SNX7: variants seen among roughly 807,000 people sequenced by gnomAD.
SNX7 encodes sorting nexin 7, also known as sorting nexin-7.
In SNX7, 35 loss-of-function variants were observed where a neutral mutation model predicts 48.4. That is an observed-to-expected ratio of 0.72 (90% CI 0.55 to 0.96). The LOEUF (loss-of-function observed/expected upper bound fraction) is 0.96. SNX7 is among the 40% of genes least tolerant of loss of function. The pLI, the probability that SNX7 is intolerant of heterozygous loss-of-function variation, is 0.00. For synonymous variants in SNX7, 190 were observed against 190.2 expected (o/e 1.00, Z 0.01); for missense variants, 553 against 548.9 (o/e 1.01, Z -0.07).
chr1:98,700,688 A>G (rs1242475257), intron 6 of SNX7, among the ~76,000 whole-genome samples: 1 of 152,026 alleles, frequency 6.6e-6, no homozygotes, highest in Non-Finnish European at 1.5e-5. Flanking sequence ...GAGATGTGAT[A>G]TAGGTGTGAA....
At chr1:98,664,738 G>T (rs1649446949) in intron 1 of SNX7, among the ~76,000 whole-genome samples, 1 of 152,094 alleles carries the variant, frequency 6.6e-6, no homozygotes, top group African/African-American at 2.4e-5. Context: ...AAACAAAGTT[G>T]TTCTGAATTT....
intron 1 of SNX7, among the ~76,000 whole-genome samples, chr1:98,672,540 A>G (rs1649926047): frequency 6.6e-6 from 1 of 151,436 alleles, no homozygotes; most frequent in Non-Finnish European, 1.5e-5. Context: ...AGTTATAGGC[A>G]AATGGCATCT....
At chr1:98,691,933 A>ACTCTCTCTCT (rs1570523141) in intron 4 of SNX7, among the ~76,000 whole-genome samples, 1 of 108,592 alleles carries the variant, frequency 9.2e-6, no homozygotes, top group Non-Finnish European at 2.0e-5. Context: ...ACACACACAC[A>ACTCTCTCTCT]CACACTCTCT....
chr1:98,662,828 G>T, intron 1 of SNX7: 1 of 1,289,034 alleles, frequency 7.8e-7, no homozygotes, highest in Non-Finnish European at 1.0e-6. Flanking sequence ...TAAAGCAAAC[G>T]ACCTACTTAA....
intron 1 of SNX7, among the ~76,000 whole-genome samples, chr1:98,676,085 CTT>C (rs962490375): frequency 6.7e-6 from 1 of 148,994 alleles, no homozygotes; most frequent in Non-Finnish European, 1.5e-5. Context: ...TTCCTGTTAA[CTT>C]TTTTTTTTAA....
chr1:98,723,969 A>C (rs1337524330), intron 7 of SNX7, among the ~76,000 whole-genome samples: 1 of 152,160 alleles, frequency 6.6e-6, no homozygotes, highest in Non-Finnish European at 1.5e-5. Context: ...TGGCAAAAAA[A>C]AATTATAATG....
intron 7 of SNX7, among the ~76,000 whole-genome samples, chr1:98,735,665 G>A (rs924118464): frequency 5.3e-5 from 8 of 152,182 alleles, no homozygotes; most frequent in African/African-American, 1.9e-4. Flanking sequence ...ACATTTAGTA[G>A]GCAAATTTTC....
rs1024262806 is a variant in SNX7 at position 98,697,436 on chromosome 1, A to C, written c.839-1270A>C. ...GATTGTATTTATATGGATAGTGAAC[A>C]AAAAACGGTCACTGCTTATAAATTT... On this transcript the variant is annotated intron_variant, in intron 5 of 8. Coordinates refer to ENST00000306121, the MANE Select transcript of SNX7 (RefSeq NM_015976.5). Among the ~76,000 whole-genome samples the C allele has an allele frequency of 1.1e-4, 16 of 152,112 alleles. 1 individual carries two copies. The highest frequency in any genetic ancestry group is 1.5e-5 in the Non-Finnish European group (1 of 67,976).
intron 8 of SNX7, among the ~76,000 whole-genome samples, chr1:98,739,224 T>G (rs1460649475): frequency 1.3e-5 from 2 of 152,094 alleles, no homozygotes; most frequent in African/African-American, 4.8e-5. Flanking sequence ...CTGCCTCTGA[T>G]CTGATAGGGA....
At chr1:98,675,633 C>G (rs1650120484) in intron 1 of SNX7, among the ~76,000 whole-genome samples, 1 of 152,160 alleles carries the variant, frequency 6.6e-6, no homozygotes, top group Non-Finnish European at 1.5e-5. Flanking sequence ...TGCCAAAGCA[C>G]GTTTGTACGT....
intron 1 of SNX7, among the ~76,000 whole-genome samples, chr1:98,681,242 C>T (rs969498511): frequency 1.3e-5 from 2 of 152,050 alleles, no homozygotes; most frequent in African/African-American, 4.8e-5. Flanking sequence ...CGGGAAAGAC[C>T]CGCCCCCATG....
chr1:98,754,541 A>G (rs1403160118), intron 8 of SNX7, among the ~76,000 whole-genome samples: 1 of 152,050 alleles, frequency 6.6e-6, no homozygotes, highest in Non-Finnish European at 1.5e-5. Context: ...TCTGTGGTGA[A>G]TTTTGGTAGT....
chr1:98,697,205 C>A (rs1037986909), intron 5 of SNX7, among the ~76,000 whole-genome samples: 15 of 151,950 alleles, frequency 9.9e-5, no homozygotes, highest in African/African-American at 3.4e-4. Flanking sequence ...TAAAGACAGG[C>A]CTAGGATCAG....
chr1:98,661,794 C>A lies in SNX7; in HGVS notation c.63C>A (p.Asn21Lys). The A allele has an allele frequency of 8.0e-7, 1 of 1,244,318 alleles. No homozygotes were observed. Among genetic ancestry groups the A allele is most frequent in the Non-Finnish European group, 1.0e-6 (1 of 986,852 alleles). 77.1% of individuals were successfully genotyped at this position (1,244,318 alleles called of 1,614,324 possible). A position where few individuals can be genotyped will look rare whatever the true frequency, so the allele number is the denominator to read the frequency against. The change falls in exon 1 of 9, where the codon AAC (asparagine) becomes AAA (lysine). Residue 21 changes from asparagine (N) to lysine (K), a missense_variant. Coordinates refer to ENST00000306121, the MANE Select transcript of SNX7 (RefSeq NM_015976.5). ...CGGGCCTCCCGGCCGGGGGCGCCAA[C>A]GGGGAGAGCCCGGGGGGCGGCGCCC... Reference protein sequence around the residue: ...PSSGLPAGGANGESPGGGAPF... With the variant: ...PSSGLPAGGAKGESPGGGAPF...
At chr1:98,687,311 G>A (rs2100945055) in intron 2 of SNX7, among the ~76,000 whole-genome samples, 1 of 152,046 alleles carries the variant, frequency 6.6e-6, no homozygotes, top group African/African-American at 2.4e-5. Flanking sequence ...ATATTTTTGT[G>A]CATTTAGGTA....
intron 1 of SNX7, among the ~76,000 whole-genome samples, chr1:98,666,333 A>G (rs2100901555): frequency 6.6e-6 from 1 of 152,376 alleles, no homozygotes; most frequent in African/African-American, 2.4e-5. Flanking sequence ...GCTGGAAACC[A>G]GTCAGACCTG....
intron 7 of SNX7, among the ~76,000 whole-genome samples, chr1:98,714,740 T>A (rs1652497591): frequency 1.3e-5 from 2 of 152,120 alleles, no homozygotes; most frequent in Non-Finnish European, 1.5e-5. Context: ...TTTGTTAGGT[T>A]GCAAGTAGCT....
chr1:98,757,159 A>G (rs961554776), intron 8 of SNX7, among the ~76,000 whole-genome samples: 6 of 152,126 alleles, frequency 3.9e-5, no homozygotes, highest in Non-Finnish European at 7.4e-5. Context: ...GCAGCTTCCT[A>G]TACAGCCTGC....
rs546485916 is a variant in SNX7, at chr1:98,747,443, T to C, written c.1278+9054T>C. ...AGGAGGTTTCACTTGTTGAATTCTA[T>C]GGAACAATTCAAATATTGTCCAGCT... On this transcript the variant is annotated intron_variant, in intron 8 of 8. Coordinates refer to ENST00000306121, the MANE Select transcript of SNX7 (RefSeq NM_015976.5). 3.9e-5 allele frequency among the ~76,000 whole-genome samples: 6 copies of C among 152,306 alleles called. No individual in the cohort carries two copies. The East Asian group carries it at 1.2e-3, about 29-fold the overall frequency.
Sources: gnomAD v4.1 joint callset for allele counts (sites outside exome capture counted in the v4.1 genomes callset) on GRCh38, gnomAD v4.1.1 for gene constraint, MANE v1.5 for transcripts, NCBI Gene and HGNC (gene_info 2026-07-23, HGNC 2026-07-21) for gene names.